Variants in FXR1 observed in about 807,000 individuals in gnomAD.
FXR1 encodes RNA-binding protein FXR1.
A neutral mutation model predicts 84.0 loss-of-function variants in FXR1; 15 were observed. That is an observed-to-expected ratio of 0.18 (90% confidence interval 0.12 to 0.27). The LOEUF (loss-of-function observed/expected upper bound fraction) is 0.27. FXR1 is among the 10% of genes least tolerant of loss of function. FXR1 has a pLI of 1.00. For synonymous variants in FXR1, 245 were observed against 250.7 expected (o/e 0.98, Z 0.21); for missense variants, 480 against 774.4 (o/e 0.62, Z 4.51).
At chr3:180,921,535 TAA>T (rs1718591841) in intron 1 of FXR1, among the ~76,000 whole-genome samples, 1 of 152,174 alleles carries the variant, frequency 6.6e-6, no homozygotes, top group Non-Finnish European at 1.5e-5. Context: ...TGTTTGAAGT[TAA>T]GACATTTTTT....
intron 3 of FXR1, among the ~76,000 whole-genome samples, chr3:180,940,757 G>A (rs1205137681): frequency 6.6e-6 from 1 of 151,910 alleles, no homozygotes; most frequent in African/African-American, 2.4e-5. Flanking sequence ...TGTATTTTTG[G>A]TAGAGACGGG....
chr3:180,963,741 G>C (rs1409144800), intron 13 of FXR1, among the ~76,000 whole-genome samples: 1 of 152,076 alleles, frequency 6.6e-6, no homozygotes, highest in Admixed American at 6.6e-5. Flanking sequence ...ATAGGAAGGG[G>C]GACAGTGGAG....
rs757826092 is a variant in FXR1 at position 180,917,947 on chromosome 3, CAAA to C, written c.51+5231_51+5233del. 1.5e-3 allele frequency among the ~76,000 whole-genome samples: 89 copies of C among 60,990 alleles called. 1 individual carries two copies. The highest frequency in any genetic ancestry group is 0.012 in the Middle Eastern group (1 of 84). 40.0% of individuals were successfully genotyped at this position (60,990 alleles called of 152,430 possible). Reference sequence around the variant, plus strand: ...GGGTGACAGAGTGAGACTCTGTCTCCAAAAAAAAAAAAAAAAAAAAAAGTCAAT... The same window carrying C: ...GGGTGACAGAGTGAGACTCTGTCTCCAAAAAAAAAAAAAAAAAAAGTCAAT... On this transcript the variant is annotated intron_variant, in intron 1 of 16. Coordinates refer to ENST00000357559, the MANE Select transcript of FXR1 (RefSeq NM_005087.4).
Position 180,976,181 on chromosome 3 carries a change from T to A in FXR1, c.1755T>A (p.Ser585Arg). The part of the protein sequence containing the change: ...PSEKAINGPT[S>R]ASGDDISKLQ... Reference sequence around the variant, plus strand: ...AAAAGGCAATAAACGGCCCAACTAGTGCTTCTGGCGATGACATTTCTAAGC... The same window carrying A: ...AAAAGGCAATAAACGGCCCAACTAGAGCTTCTGGCGATGACATTTCTAAGC... Residue 585 changes from serine (S) to arginine (R), a missense_variant, in exon 17 of 17, where the codon AGT becomes AGA. This residue lies in a region of FXR1 where 94 missense variants were observed against 81.8 expected (regional missense o/e 1.15). Coordinates refer to ENST00000357559, the MANE Select transcript of FXR1 (RefSeq NM_005087.4). 6.2e-7 allele frequency: 1 copy of A among 1,613,320 alleles called. No homozygotes were observed. The highest frequency in any genetic ancestry group is 1.7e-5 in the Admixed American group (1 of 59,988).
intron 1 of FXR1, among the ~76,000 whole-genome samples, chr3:180,924,767 C>T (rs1405194272): frequency 2.0e-5 from 3 of 152,114 alleles, no homozygotes; most frequent in African/African-American, 7.2e-5. Flanking sequence ...GTTGGGATTA[C>T]AGGCGTGAGC....
At chr3:180,925,352 T>TC (rs1223150186) in intron 1 of FXR1, among the ~76,000 whole-genome samples, 3 of 145,190 alleles carry the variant, frequency 2.1e-5, no homozygotes, top group Non-Finnish European at 3.0e-5. Flanking sequence ...AGAGCGAGAC[T>TC]CCATCTCAAA....
chr3:180,927,537 A>G, intron 1 of FXR1: 1 of 551,468 alleles, frequency 1.8e-6, no homozygotes, highest in East Asian at 3.3e-5. Context: ...TTTTTTTTCC[A>G]CAACGGCTCC....
rs760512627 is a variant in FXR1, at chr3:180,957,928, C to T, written c.990C>T (p.Asp330=). The change falls in exon 10 of 17, where the codon GAC becomes GAT. Residue 330 remains aspartate, a splice_region_variant and synonymous_variant. Transcript: ENST00000357559. ...GDNENKLPRE[D]GMVPFVFVGT... Reference sequence around the variant, plus strand: ...ATGAAAATAAATTACCCAGAGAAGACGTAAGTATTTAAAATGTAATCTGCC... The same window carrying T: ...ATGAAAATAAATTACCCAGAGAAGATGTAAGTATTTAAAATGTAATCTGCC... The T allele has an allele frequency of 4.4e-6, 6 of 1,356,250 alleles. No individual in the cohort carries two copies. Among genetic ancestry groups the T allele is most frequent in the Non-Finnish European group, 6.2e-6 (6 of 963,842 alleles). The allele number at this position is 1,356,250 out of a possible 1,614,324, so 84.0% of individuals were successfully genotyped here.
At chr3:180,921,257 A>G (rs1048393906) in intron 1 of FXR1, among the ~76,000 whole-genome samples, 1 of 151,550 alleles carries the variant, frequency 6.6e-6, no homozygotes, top group Non-Finnish European at 1.5e-5. Flanking sequence ...AATCCCAGCT[A>G]TTCTGGAGGC....
intron 13 of FXR1, among the ~76,000 whole-genome samples, chr3:180,964,892 G>T (rs929144698): frequency 6.6e-6 from 1 of 151,674 alleles, no homozygotes; most frequent in African/African-American, 2.4e-5. Flanking sequence ...ATTATTTTTA[G>T]CTGTTAAGCT....
At chr3:180,938,109 A>G (rs1033436844) in intron 3 of FXR1, among the ~76,000 whole-genome samples, 1 of 152,214 alleles carries the variant, frequency 6.6e-6, no homozygotes, top group Non-Finnish European at 1.5e-5. Context: ...TGGTGTGGAT[A>G]TATCAAATTA....
In FXR1 at chr3:180,977,986, ACT is replaced by A. The variant is rs1199954591; in HGVS notation, c.*1696_*1697del. ...TTTAAAGTAAGGTGTGAGTAGTGCA[ACT>A]CCTGTCCTTTATATATAAAGATATC... On this transcript the variant is annotated 3_prime_UTR_variant, in exon 17 of 17. Transcript: ENST00000357559. 3 of 151,582 alleles carry A rather than the reference ACT, an allele frequency of 2.0e-5. No homozygotes were observed. Among genetic ancestry groups the A allele is most frequent in the African/African-American group, 7.3e-5 (3 of 41,282 alleles). The allele number at this position is 151,582 out of a possible 1,614,324, so 9.4% of individuals were successfully genotyped here.
intron 1 of FXR1, among the ~76,000 whole-genome samples, chr3:180,932,088 A>C (rs957892840): frequency 2.7e-5 from 4 of 150,218 alleles, no homozygotes; most frequent in African/African-American, 9.7e-5. Context: ...AAAAAAAAAA[A>C]AACAACTTTT....
chr3:180,922,333 A>G (rs751095072), intron 1 of FXR1, among the ~76,000 whole-genome samples: 12 of 152,258 alleles, frequency 7.9e-5, no homozygotes, highest in Middle Eastern at 3.4e-3. Flanking sequence ...AGTTGGCTTT[A>G]TGATCTTTAA....
chr3:180,971,764 T>C (rs1464608956), intron 15 of FXR1: 1 of 152,808 alleles, frequency 6.5e-6, no homozygotes. Context: ...TAGTCATTAA[T>C]TTTTAGTAAC....
At chr3:180,944,991 A>G (rs1043680575) in intron 3 of FXR1, among the ~76,000 whole-genome samples, 5 of 152,224 alleles carry the variant, frequency 3.3e-5, no homozygotes, top group East Asian at 1.9e-4. Flanking sequence ...CCAGGTTTTG[A>G]TGATATATGT....
At chr3:180,917,614 A>G (rs1334004987) in intron 1 of FXR1, among the ~76,000 whole-genome samples, 1 of 152,108 alleles carries the variant, frequency 6.6e-6, no homozygotes, top group Non-Finnish European at 1.5e-5. Flanking sequence ...GAAGGCTGGG[A>G]TTTTCTACTC....
chr3:180,939,746 GT>G (rs1481619824), intron 3 of FXR1, among the ~76,000 whole-genome samples: 1 of 152,186 alleles, frequency 6.6e-6, no homozygotes, highest in Non-Finnish European at 1.5e-5. Context: ...TTTTCCAAAT[GT>G]ATTCAGAGGG....
intron 16 of FXR1, among the ~76,000 whole-genome samples, chr3:180,975,882 G>A (rs1289468752): frequency 6.6e-6 from 1 of 152,154 alleles, no homozygotes; most frequent in African/African-American, 2.4e-5. Flanking sequence ...GTTTTCATTA[G>A]TTTAGATGTT....
Sources: allele counts gnomAD v4.1 joint callset (sites outside exome capture counted in the v4.1 genomes callset), GRCh38; gene constraint gnomAD v4.1.1; regional missense constraint gnomAD v4.1.1; transcripts MANE v1.5; gene names NCBI Gene and HGNC (gene_info 2026-07-23, HGNC 2026-07-21).